FHAD1: variants seen among roughly 807,000 people sequenced by gnomAD.
The protein encoded by FHAD1 is forkhead-associated domain-containing protein 1.
Under a neutral mutation model 191.3 loss-of-function variants are expected in FHAD1, and 146 were observed. That is an observed-to-expected ratio of 0.76 (90% CI 0.67 to 0.88). The LOEUF (loss-of-function observed/expected upper bound fraction) is 0.88, where lower values mean the gene tolerates loss of function less well. FHAD1 is among the 40% of genes least tolerant of loss of function. The probability of loss-of-function intolerance (pLI) is 0.00; values close to 1 mark genes in which losing one functional copy is unlikely to be tolerated. For synonymous variants in FHAD1, 616 were observed against 672.3 expected (o/e 0.92, Z 1.29); for missense variants, 1,635 against 1,785.8 (o/e 0.92, Z 1.52).
At position 15,381,844 on chromosome 1, in the gene FHAD1, C is replaced by G. The variant is rs75680107; in HGVS notation, c.4023-184C>G. ...TTTATCCCCTCCCGCTACACACATT[C>G]GGCTGATGAATGGCTCGTTCTGCTC... On this transcript the variant is annotated intron_variant, in intron 30 of 33. Transcript: ENST00000688493. This position sits in a 1 kb window ranked among gnomAD's most constrained non-coding sequence, Gnocchi z 4.6. Among the ~76,000 whole-genome samples, 2,032 of 151,798 alleles carry G rather than the reference C, an allele frequency of 0.013. 37 individuals carry two copies. The highest frequency in any genetic ancestry group is 0.04 in the African/African-American group (1,666 of 41,408).
intron 21 of FHAD1, among the ~76,000 whole-genome samples, chr1:15,358,793 G>A (rs942186118): frequency 6.6e-6 from 1 of 152,102 alleles, no homozygotes; most frequent in Non-Finnish European, 1.5e-5. Flanking sequence ...TCATCCACAC[G>A]TTCAACCGAC....
chr1:15,359,677 A>G (rs772879125), intron 21 of FHAD1, among the ~76,000 whole-genome samples: 6 of 152,032 alleles, frequency 3.9e-5, no homozygotes, highest in South Asian at 2.1e-4. Context: ...GCAAAACCCC[A>G]TCTCCACTAA....
At position 15,254,739 on chromosome 1, in the gene FHAD1, G is replaced by A. The variant is rs1403332360; in HGVS notation, c.93+2862G>A. On this transcript the variant is annotated intron_variant, in intron 2 of 33. Transcript: ENST00000688493. Reference sequence around the variant, plus strand: ...GAAGCATGAGCTTACACTGGCTCCCGAGAGAACAGATGATACATGAATTGC... The same window carrying A: ...GAAGCATGAGCTTACACTGGCTCCCAAGAGAACAGATGATACATGAATTGC... 2.6e-5 allele frequency among the ~76,000 whole-genome samples: 4 copies of A among 152,102 alleles called. No homozygotes were observed. In the South Asian group the frequency reaches 6.2e-4, roughly 24 times the overall value.
intron 16 of FHAD1, among the ~76,000 whole-genome samples, chr1:15,343,119 G>A (rs904901006): frequency 6.6e-6 from 1 of 152,062 alleles, no homozygotes; most frequent in African/African-American, 2.4e-5. Context: ...TTGATATTCA[G>A]GGACCCCTCC....
At position 15,397,314 on chromosome 1, in the gene FHAD1, C is replaced by T. The variant is rs766501972; in HGVS notation, c.4341C>T (p.Ala1447=). ...NSNSQVGTRK[A]SLKMDQEREM... is the part of the protein sequence containing the mutation. ...TGTTAAAGGTTGGAACCAGAAAAGC[C>T]TCCCTAAAGATGGACCAAGAAAGAG... The change falls in exon 34 of 34, where the codon GCC becomes GCT. Residue 1447 remains alanine, a synonymous_variant. Transcript: ENST00000688493. 6.5e-7 allele frequency: 1 copy of T among 1,529,402 alleles called. No individual in the cohort carries two copies. The highest frequency in any genetic ancestry group is 2.5e-5 in the East Asian group (1 of 40,498). 94.7% of individuals were successfully genotyped at this position (1,529,402 alleles called of 1,614,324 possible).
At position 15,286,770 on chromosome 1, in the gene FHAD1, G is replaced by A. The variant is rs1018851723; in HGVS notation, c.301-2629G>A. Among the ~76,000 whole-genome samples, 10 of 152,330 alleles carry A rather than the reference G, an allele frequency of 6.6e-5. No individual in the cohort carries two copies. In the South Asian group the frequency reaches 1.2e-3, roughly 19 times the overall value. On this transcript the variant is annotated intron_variant, in intron 3 of 33. Transcript: ENST00000688493. ...ACAATCTCCAAAAGATGCTGAGTGG[G>A]TTCTGGCCTGGCCACTGCAGAAGTG... is the stretch of plus-strand genomic sequence containing the variant.
At chr1:15,363,602 C>T in intron 23 of FHAD1, 1 of 352,620 alleles carries the variant, frequency 2.8e-6, no homozygotes, top group South Asian at 2.2e-5. Flanking sequence ...AGCCCACTCA[C>T]AGGTGTTATT....
intron 6 of FHAD1, among the ~76,000 whole-genome samples, chr1:15,302,593 C>T (rs36076849): frequency 0.026 from 3,893 of 152,040 alleles, 116 homozygotes; most frequent in African/African-American, 0.07. Flanking sequence ...GGTGTGGTGG[C>T]GGGCGCCTGT....
At chr1:15,246,171 AC>A (rs1461026746), upstream of FHAD1, among the ~76,000 whole-genome samples, 4 of 152,170 alleles carry the variant, frequency 2.6e-5, no homozygotes, top group Non-Finnish European at 4.4e-5. Context: ...GGGAAGTGCC[AC>A]ACTTTTAAAC....
At position 15,369,275 on chromosome 1, in the gene FHAD1, A is replaced by G. The variant is rs1320507689; in HGVS notation, c.3315-95A>G. 14 of 1,335,578 alleles carry G rather than the reference A, an allele frequency of 1.0e-5. No homozygotes were observed. In the Admixed American group the frequency reaches 3.4e-4, roughly 33 times the overall value. The allele number at this position is 1,335,578 out of a possible 1,614,324, so 82.7% of individuals were successfully genotyped here. Reference sequence around the variant, plus strand: ...AAGTCTCAAAAGAATTCTGTTTCCTATAAAAATAGAGCTCCATGTCCTGGT... The same window carrying G: ...AAGTCTCAAAAGAATTCTGTTTCCTGTAAAAATAGAGCTCCATGTCCTGGT... On this transcript the variant is annotated intron_variant, in intron 25 of 33. Transcript: ENST00000688493.
At chr1:15,286,721 C>T (rs1484415685) in intron 3 of FHAD1, among the ~76,000 whole-genome samples, 2 of 152,118 alleles carry the variant, frequency 1.3e-5, no homozygotes, top group Non-Finnish European at 2.9e-5. Context: ...AACAATTGGC[C>T]GAGAGAGGGA....
chr1:15,401,537 G>A (rs1707127182), downstream of FHAD1, among the ~76,000 whole-genome samples: 1 of 152,222 alleles, frequency 6.6e-6, no homozygotes, highest in Admixed American at 6.5e-5. Context: ...TCGTGACTTT[G>A]CAGATAAGGT....
chr1:15,318,140 G>A lies in FHAD1; in HGVS notation c.1365+212G>A, dbSNP rs1466812085. Reference sequence around the variant, plus strand: ...TGGTCTGACTCCAAGGCCCCTGTGAGTAACCCCACTACTCCTCACTGCCTT... The same window carrying A: ...TGGTCTGACTCCAAGGCCCCTGTGAATAACCCCACTACTCCTCACTGCCTT... On this transcript the variant is annotated intron_variant, in intron 10 of 33. Coordinates refer to ENST00000688493, the MANE Select transcript of FHAD1 (RefSeq NM_001391957.1). This position sits in a 1 kb window ranked among gnomAD's most constrained non-coding sequence, Gnocchi z 4.1. Among the ~76,000 whole-genome samples, 1 of 152,198 alleles carries A rather than the reference G, an allele frequency of 6.6e-6. No homozygotes were observed. Among genetic ancestry groups the A allele is most frequent in the Non-Finnish European group, 1.5e-5 (1 of 68,040 alleles).
At position 15,251,679 on chromosome 1, in the gene FHAD1, CTG is replaced by C. The variant is rs1646794078; in HGVS notation, c.-14-89_-14-88del. ...CTGATTTCTCACTTTGGACATGACT[CTG>C]TGGTTATTTCATTCATTTTAAGTAT... is the stretch of plus-strand genomic sequence containing the variant. On this transcript the variant is annotated intron_variant, in intron 1 of 33. Coordinates refer to ENST00000688493, the MANE Select transcript of FHAD1 (RefSeq NM_001391957.1). The C allele has an allele frequency of 4.0e-6, 4 of 989,268 alleles. 1 individual carries two copies. In the South Asian group the frequency reaches 5.0e-5, roughly 12 times the overall value. 61.3% of individuals were successfully genotyped at this position (989,268 alleles called of 1,614,324 possible). A position where few individuals can be genotyped will look rare whatever the true frequency, so the allele number is the denominator to read the frequency against.
At position 15,345,199 on chromosome 1, in the gene FHAD1, C is replaced by T. The variant is rs150458407; in HGVS notation, c.2238+9C>T. The T allele has an allele frequency of 2.1e-5, 32 of 1,546,984 alleles. No individual in the cohort carries two copies. The East Asian group carries it at 7.3e-4, about 35-fold the overall frequency. ...TGGCCCAGCAGAAGAAGGTATGTGGCTCAGGGAGACAGAGTCAGCTCGAGC... is the reference window on the plus strand; with the variant it reads ...TGGCCCAGCAGAAGAAGGTATGTGGTTCAGGGAGACAGAGTCAGCTCGAGC... On this transcript the variant is annotated intron_variant, in intron 17 of 33. Coordinates refer to ENST00000688493, the MANE Select transcript of FHAD1 (RefSeq NM_001391957.1).
chr1:15,366,778 G>T (rs1385383938), intron 24 of FHAD1, among the ~76,000 whole-genome samples: 2 of 152,196 alleles, frequency 1.3e-5, no homozygotes, highest in Non-Finnish European at 2.9e-5. Context: ...CACAAACAAT[G>T]CCGCCTTCAT....
chr1:15,255,629 G>A (rs1647652330), intron 2 of FHAD1, among the ~76,000 whole-genome samples: 1 of 152,206 alleles, frequency 6.6e-6, no homozygotes, highest in Non-Finnish European at 1.5e-5. Flanking sequence ...GAAGCTGCTA[G>A]GAGACAGACA....
At chr1:15,398,859 C>T (rs1467093726), downstream of FHAD1, among the ~76,000 whole-genome samples, 2 of 149,936 alleles carry the variant, frequency 1.3e-5, no homozygotes, top group African/African-American at 4.9e-5. Context: ...TCACTCTGGT[C>T]GCCCAGGCTG....
upstream of FHAD1, among the ~76,000 whole-genome samples, chr1:15,246,637 G>C (rs1264511641): frequency 6.6e-6 from 1 of 152,170 alleles, no homozygotes; most frequent in East Asian, 1.9e-4. Context: ...TGTTTGCAGA[G>C]ATAGAGAAAG....
Sources: gnomAD v4.1 joint callset for allele counts (sites outside exome capture counted in the v4.1 genomes callset) on GRCh38, gnomAD v4.1.1 for gene constraint, Gnocchi (gnomAD v3.1) non-coding constraint, MANE v1.5 for transcripts, NCBI Gene and HGNC (gene_info 2026-07-23, HGNC 2026-07-21) for gene names.